Variants in MCOLN3 observed in about 807,000 individuals in gnomAD.
The protein encoded by MCOLN3 is mucolipin TRP cation channel 3, also known as mucolipin-3.
In MCOLN3, 62 loss-of-function variants were observed where a neutral mutation model predicts 69.4. The ratio of observed to expected loss-of-function variants is 0.89; its 90% confidence interval spans 0.73 to 1.10. The LOEUF (loss-of-function observed/expected upper bound fraction) is 1.10. Ranked by LOEUF, MCOLN3 falls within the 50% of genes least tolerant of loss-of-function variation. MCOLN3 has a pLI of 0.00. For missense variants in MCOLN3, 564 were observed against 656.4 expected (o/e 0.86, Z 1.54); for synonymous variants, 183 against 217.0 (o/e 0.84, Z 1.38).
At chr1:85,032,833 C>T (rs376440339) in intron 5 of MCOLN3, 39 bp downstream of exon 5, 10 of 1,613,126 alleles carry the variant, frequency 6.2e-6, no homozygotes, top group East Asian at 2.2e-5. Context: ...GCAATATATA[C>T]GTGCAAACGT....
chr1:85,020,323 G>A (rs1311617437), intron 12 of MCOLN3, among the ~76,000 whole-genome samples: 1 of 152,158 alleles, frequency 6.6e-6, no homozygotes, highest in Non-Finnish European at 1.5e-5. Context: ...TATCCCTAGG[G>A]CCAATCACAT....
At chr1:85,042,419 A>C (rs1037608456) in intron 2 of MCOLN3, among the ~76,000 whole-genome samples, 1 of 152,206 alleles carries the variant, frequency 6.6e-6, no homozygotes, top group Non-Finnish European at 1.5e-5. Context: ...ATCACTCTGC[A>C]CCTAACTCTC....
At chr1:85,045,083 C>G (rs1308862643) in intron 2 of MCOLN3, 50 bp downstream of exon 2, 1 of 1,429,176 alleles carries the variant, frequency 7.0e-7, no homozygotes. Context: ...CCATAGTTAT[C>G]TTTGTAATTA....
Position 85,026,152 on chromosome 1 carries a change from T to C in MCOLN3, c.945+20A>G. On this transcript the variant is annotated intron_variant, in intron 8 of 12. Coordinates refer to ENST00000370589, the MANE Select transcript of MCOLN3 (RefSeq NM_018298.11). ...TCAATCAAAATGTCAGTAGCATTCCTAGAAAGCAACGTTCCCTACCTGCTG... is the reference window on the plus strand; with the variant it reads ...TCAATCAAAATGTCAGTAGCATTCCCAGAAAGCAACGTTCCCTACCTGCTG... 1.2e-6 allele frequency: 2 copies of C among 1,613,404 alleles called. No homozygotes were observed. Among genetic ancestry groups the C allele is most frequent in the Non-Finnish European group, 1.7e-6 (2 of 1,179,392 alleles).
chr1:85,047,913 G>C (rs1029976005), intron 1 of MCOLN3, among the ~76,000 whole-genome samples: 1 of 152,190 alleles, frequency 6.6e-6, no homozygotes, highest in Non-Finnish European at 1.5e-5. Flanking sequence ...CTTTCAGCCA[G>C]CGCAGCGACC....
In MCOLN3 at chr1:85,041,043, G is replaced by T; in HGVS notation, c.363C>A (p.Asp121Glu). ...CTGCGAAGATTAACTGATCATACAC[G>T]TCACTTTGTGTGTACACTGCATATG... ...DDTYAVYTQSDVYDQLIFAVN... is the reference protein window; with the variant it reads ...DDTYAVYTQSEVYDQLIFAVN... Residue 121 changes from aspartate (D) to glutamate (E), a missense_variant, in exon 3 of 13, where the codon GAC (aspartate) becomes GAA (glutamate). By Grantham distance (45) the Asp-to-Glu change is conservative. Transcript: ENST00000370589. 1 of 1,613,532 alleles carries T rather than the reference G, an allele frequency of 6.2e-7. No individual in the cohort carries two copies. The highest frequency in any genetic ancestry group is 8.5e-7 in the Non-Finnish European group (1 of 1,179,878).
intron 2 of MCOLN3, among the ~76,000 whole-genome samples, chr1:85,041,591 C>T (rs960315604): frequency 2.0e-5 from 3 of 152,074 alleles, no homozygotes; most frequent in Admixed American, 6.5e-5. Context: ...ACTATACAGC[C>T]GGGCGTGGTG....
intron 12 of MCOLN3, 26 bp from the exon 13 acceptor site, chr1:85,019,283 T>C: frequency 6.2e-7 from 1 of 1,603,036 alleles, no homozygotes. Flanking sequence ...TTAAAAAGCT[T>C]TTATTAATAA....
At chr1:85,034,384 T>A in intron 3 of MCOLN3, 133 bp from the exon 4 acceptor site, 1 of 818,390 alleles carries the variant, frequency 1.2e-6, no homozygotes, top group Non-Finnish European at 1.9e-6. Context: ...ATAAACAGGG[T>A]AAGTGACTTG....
chr1:85,032,612 A>G (rs1652593870), intron 6 of MCOLN3, 84 bp downstream of exon 6: 1 of 983,298 alleles, frequency 1.0e-6, no homozygotes. Context: ...TTTTTATCAC[A>G]CCGTAATCCA....
At position 85,018,981 on chromosome 1, in the gene MCOLN3, A is replaced by G. The variant is rs1651793199; in HGVS notation, c.*142T>C. ...CATTAAATATTGCTTTTAAAAATAT[A>G]AACAGTTATTGGTGAATTATAGGTC... is the stretch of plus-strand genomic sequence containing the variant. On this transcript the variant is annotated 3_prime_UTR_variant, in exon 13 of 13. Transcript: ENST00000370589. 1 of 721,348 alleles carries G rather than the reference A, an allele frequency of 1.4e-6. No individual in the cohort carries two copies. The highest frequency in any genetic ancestry group is 1.8e-5 in the African/African-American group (1 of 54,222). The allele number at this position is 721,348 out of a possible 1,614,324, so 44.7% of individuals were successfully genotyped here.
In MCOLN3 at chr1:85,018,406, T is replaced by C. The variant is rs2102911107; in HGVS notation, c.*717A>G. ...TACTGTATTCAATACAGTAACATGT[T>C]GTACAGATTTGTACCCCAGGACCAA... On this transcript the variant is annotated 3_prime_UTR_variant, in exon 13 of 13. Transcript: ENST00000370589. The C allele has an allele frequency of 6.6e-6, 1 of 152,348 alleles. No homozygotes were observed. Among genetic ancestry groups the C allele is most frequent in the Non-Finnish European group, 1.5e-5 (1 of 68,040 alleles). 9.4% of individuals were successfully genotyped at this position (152,348 alleles called of 1,614,324 possible).
intron 1 of MCOLN3, 104 bp downstream of exon 1, chr1:85,048,292 T>A (rs1261526025): frequency 6.6e-6 from 1 of 152,026 alleles, no homozygotes. Context: ...TCCCGCGGCG[T>A]CCCCGACAGC....
chr1:85,032,861 G>T lies in MCOLN3; in HGVS notation c.635+11C>A. 1.2e-6 allele frequency: 2 copies of T among 1,614,022 alleles called. No homozygotes were observed. The highest frequency in any genetic ancestry group is 1.7e-6 in the Non-Finnish European group (2 of 1,179,910). On this transcript the variant is annotated intron_variant, in intron 5 of 12. Coordinates refer to ENST00000370589, the MANE Select transcript of MCOLN3 (RefSeq NM_018298.11). ...GCAAACGTAAGTTACACTCCTGTCT[G>T]CTCCCCTCACCTGTGGAAGTCCAGT...
chr1:85,045,073 C>T (rs1657667393), intron 2 of MCOLN3, 60 bp downstream of exon 2: 2 of 1,341,924 alleles, frequency 1.5e-6, no homozygotes, highest in Admixed American at 2.2e-5. Context: ...AAACCACTGT[C>T]CATAGTTATC....
At chr1:85,031,132 G>A (rs113370528) in intron 6 of MCOLN3, among the ~76,000 whole-genome samples, 184 of 152,128 alleles carry the variant, frequency 1.2e-3, no homozygotes, top group African/African-American at 4.2e-3. Context: ...CTAGCTGGGC[G>A]TGGTAACGTG....
At chr1:85,045,757 A>G (rs1180821840) in intron 1 of MCOLN3, among the ~76,000 whole-genome samples, 1 of 152,224 alleles carries the variant, frequency 6.6e-6, no homozygotes, top group Non-Finnish European at 1.5e-5. Context: ...GAAAACTTTC[A>G]TATATGTGGC....
At chr1:85,043,175 A>T (rs749523041) in intron 2 of MCOLN3, among the ~76,000 whole-genome samples, 7 of 152,100 alleles carry the variant, frequency 4.6e-5, no homozygotes, top group African/African-American at 7.2e-5. Context: ...CCTTACCAAG[A>T]CCCTCATTGT....
At chr1:85,024,175 G>A (rs1050386105) in intron 9 of MCOLN3, among the ~76,000 whole-genome samples, 3 of 151,974 alleles carry the variant, frequency 2.0e-5, no homozygotes, top group Non-Finnish European at 2.9e-5. Context: ...AAAACAGGTG[G>A]GGGAGGGGAG....
Sources: gnomAD v4.1 joint callset for allele counts (sites outside exome capture counted in the v4.1 genomes callset) on GRCh38, gnomAD v4.1.1 for gene constraint, MANE v1.5 for transcripts, NCBI Gene and HGNC (gene_info 2026-07-23, HGNC 2026-07-21) for gene names.